Variants in FAM107B observed in about 807,000 individuals in gnomAD.
FAM107B encodes the protein family with sequence similarity 107 member B.
In FAM107B, 21 loss-of-function variants were observed where a neutral mutation model predicts 31.5. That is an observed-to-expected ratio of 0.67 (90% CI 0.47 to 0.96). The LOEUF (loss-of-function observed/expected upper bound fraction) is 0.96. Ranked by LOEUF, FAM107B falls within the 40% of genes least tolerant of loss-of-function variation. FAM107B has a pLI of 0.00. For missense variants in FAM107B, 452 were observed against 377.1 expected, an observed-to-expected ratio of 1.20 and a Z score of -1.64; for synonymous variants, 157 against 141.5, an observed-to-expected ratio of 1.11 and a Z score of -0.78.
Position 14,644,623 on chromosome 10 carries a change from C to T in FAM107B, c.469+23011G>A, listed in dbSNP as rs79028245. On this transcript the variant is annotated intron_variant, in intron 2 of 4. Coordinates refer to ENST00000181796, the MANE Select transcript of FAM107B (RefSeq NM_031453.4). ...ATGGCATTAACATATCACTTAATTT[C>T]TCTATGACTCAATTTCTTTACCCAT... Among the ~76,000 whole-genome samples, 965 of 152,344 alleles carry T rather than the reference C, an allele frequency of 6.3e-3. 10 individuals are homozygous for T. The highest frequency in any genetic ancestry group is 0.022 in the African/African-American group (927 of 41,578).
intron 2 of FAM107B, among the ~76,000 whole-genome samples, chr10:14,607,943 C>T (rs1188570074): frequency 2.0e-5 from 3 of 151,146 alleles, no homozygotes; most frequent in South Asian, 4.4e-4. Flanking sequence ...TCCACTATGA[C>T]CTCATCCTTT....
intron 2 of FAM107B, among the ~76,000 whole-genome samples, chr10:14,608,153 A>G (rs185489303): frequency 2.0e-5 from 3 of 152,344 alleles, no homozygotes; most frequent in East Asian, 3.9e-4. Context: ...CATGCTGAAG[A>G]GCTCCAAAGA....
chr10:14,597,872 C>A (rs111230937), intron 2 of FAM107B, among the ~76,000 whole-genome samples: 3,326 of 152,274 alleles, frequency 0.022, 79 homozygotes, highest in East Asian at 0.12. Context: ...ATCGCTTGAA[C>A]CCAGGAGGTG....
chr10:14,663,062 C>T lies in FAM107B; in HGVS notation c.469+4572G>A, dbSNP rs376828811. The stretch of plus-strand genomic sequence containing the variant: ...TCCCCCATGCTGGATGCTTCCTGCC[C>T]TTGAACATTAGACTCAAAGTTCTTC... On this transcript the variant is annotated intron_variant, in intron 2 of 4. Coordinates refer to ENST00000181796, the MANE Select transcript of FAM107B (RefSeq NM_031453.4). Among the ~76,000 whole-genome samples the T allele has an allele frequency of 5.9e-5, 9 of 152,338 alleles. No homozygotes were observed. In the South Asian group the frequency reaches 1.9e-3, roughly 32 times the overall value.
chr10:14,676,671 C>G (rs555260982), intron 1 of FAM107B, among the ~76,000 whole-genome samples: 1 of 152,038 alleles, frequency 6.6e-6, no homozygotes, highest in Non-Finnish European at 1.5e-5. Flanking sequence ...ATTCTATTAA[C>G]TAAAATGACT....
chr10:14,590,457 A>C (rs1408691289), intron 2 of FAM107B, among the ~76,000 whole-genome samples: 1 of 152,248 alleles, frequency 6.6e-6, no homozygotes, highest in Non-Finnish European at 1.5e-5. Flanking sequence ...AGTTAGAATC[A>C]ATATATTTCC....
At chr10:14,600,929 C>T (rs1188487652) in intron 2 of FAM107B, among the ~76,000 whole-genome samples, 1 of 152,140 alleles carries the variant, frequency 6.6e-6, no homozygotes, top group Non-Finnish European at 1.5e-5. Context: ...GAGCGCGCTG[C>T]CACACCCAGC....
chr10:14,542,544 T>C (rs1288198575), intron 2 of FAM107B: 1 of 152,234 alleles, frequency 6.6e-6, no homozygotes, highest in Non-Finnish European at 1.5e-5. Flanking sequence ...CTCAGTCACA[T>C]AGTGGTCAGC....
At chr10:14,704,468 G>A (rs537806790) in intron 1 of FAM107B, among the ~76,000 whole-genome samples, 1 of 152,126 alleles carries the variant, frequency 6.6e-6, no homozygotes, top group Non-Finnish European at 1.5e-5. Flanking sequence ...TCAAAAAGGT[G>A]GGTCTACCCA....
intron 1 of FAM107B, among the ~76,000 whole-genome samples, chr10:14,675,115 C>T (rs1854650882): frequency 6.6e-6 from 1 of 152,088 alleles, no homozygotes; most frequent in Admixed American, 6.5e-5. Context: ...TTTTCCTACA[C>T]ATGTGTATCT....
chr10:14,663,821 C>T (rs570225146), intron 2 of FAM107B, among the ~76,000 whole-genome samples: 11 of 125,016 alleles, frequency 8.8e-5, no homozygotes, highest in Admixed American at 6.5e-4. Context: ...GTGGCTCCTA[C>T]GAATATGAAT....
At chr10:14,749,136 T>C (rs557070693) in intron 1 of FAM107B, among the ~76,000 whole-genome samples, 18 of 152,232 alleles carry the variant, frequency 1.2e-4, no homozygotes, top group Non-Finnish European at 2.1e-4. Context: ...TGCGAGAGGC[T>C]GGAGCTTAGT....
In FAM107B at chr10:14,594,223, T is replaced by C. The variant is rs75234345; in HGVS notation, c.470-63708A>G. Among the ~76,000 whole-genome samples, 316 of 152,138 alleles carry C rather than the reference T, an allele frequency of 2.1e-3. 1 individual carries two copies. The highest frequency in any genetic ancestry group is 7.4e-3 in the African/African-American group (306 of 41,504). On this transcript the variant is annotated intron_variant, in intron 2 of 4. Coordinates refer to ENST00000181796, the MANE Select transcript of FAM107B (RefSeq NM_031453.4). ...TCAGTACAAATATTCCCCTTAAAAC[T>C]ACAATTTTCAGCCAGGCACGGTGGC...
rs889464469 is a variant in FAM107B at position 14,691,487 on chromosome 10, G to A, written c.412-23796C>T. Reference sequence around the variant, plus strand: ...TTCCGTAATCACAAAGGCCCAGTATGAGCCAGGCAGTGAGCTGAAAGCTTT... The same window carrying A: ...TTCCGTAATCACAAAGGCCCAGTATAAGCCAGGCAGTGAGCTGAAAGCTTT... On this transcript the variant is annotated intron_variant, in intron 1 of 4. Coordinates refer to ENST00000181796, the MANE Select transcript of FAM107B (RefSeq NM_031453.4). Among the ~76,000 whole-genome samples the A allele has an allele frequency of 3.3e-5, 5 of 152,312 alleles. No individual in the cohort carries two copies. In the South Asian group the frequency reaches 8.3e-4, roughly 25 times the overall value.
chr10:14,521,373 CTTTTCA>C, intron 4 of FAM107B, 67 bp from the exon 5 acceptor site: 1 of 1,309,830 alleles, frequency 7.6e-7, no homozygotes. Context: ...ACTCTTCTCT[CTTTTCA>C]AAGTCCCTGA....
chr10:14,706,638 T>C (rs536294794), intron 1 of FAM107B, among the ~76,000 whole-genome samples: 1 of 152,350 alleles, frequency 6.6e-6, no homozygotes, highest in African/African-American at 2.4e-5. Context: ...GCTGAATATG[T>C]ATGACTATTG....
At chr10:14,585,337 C>A (rs1851787903) in intron 2 of FAM107B, among the ~76,000 whole-genome samples, 1 of 152,128 alleles carries the variant, frequency 6.6e-6, no homozygotes, top group South Asian at 2.1e-4. Flanking sequence ...CCCATCTTCC[C>A]GGCAGTCAAC....
intron 2 of FAM107B, among the ~76,000 whole-genome samples, chr10:14,586,919 G>T (rs748696146): frequency 2.0e-5 from 3 of 152,196 alleles, no homozygotes; most frequent in African/African-American, 4.8e-5. Context: ...GGCCCAAGAG[G>T]ATGATATAGG....
intron 1 of FAM107B, among the ~76,000 whole-genome samples, chr10:14,751,057 C>T (rs1832817786): frequency 6.6e-6 from 1 of 152,164 alleles, no homozygotes; most frequent in Non-Finnish European, 1.5e-5. Context: ...CTGGGAGGGG[C>T]CTGGCCCCAT....
Sources: gnomAD v4.1 joint callset for allele counts (sites outside exome capture counted in the v4.1 genomes callset) on GRCh38, gnomAD v4.1.1 for gene constraint, MANE v1.5 for transcripts, NCBI Gene and HGNC (gene_info 2026-07-23, HGNC 2026-07-21) for gene names.